The following RBFOX1 variants were observed in gnomAD, a reference collection of about 807,000 sequenced individuals.
RBFOX1 encodes the protein RNA binding protein fox-1 homolog 1.
RBFOX1 carries 8 observed loss-of-function variants against 57.7 expected under a neutral mutation model. That is an observed-to-expected ratio of 0.14 (90% CI 0.08 to 0.25). The LOEUF (loss-of-function observed/expected upper bound fraction) is 0.25, where lower values mean the gene tolerates loss of function less well. Among genes scored for constraint, RBFOX1 ranks in the 10% least tolerant of loss-of-function variants. RBFOX1 has a pLI of 1.00. For synonymous variants in RBFOX1, 326 were observed against 222.4 expected (o/e 1.47, Z -4.15); for missense variants, 611 against 548.5 (o/e 1.11, Z -1.14).
intron 11 of RBFOX1, among the ~76,000 whole-genome samples, chr16:7,639,300 C>T (rs996338906): frequency 7.9e-5 from 12 of 152,158 alleles, no homozygotes; most frequent in Non-Finnish European, 1.5e-4. Context: ...CTAAAAGATC[C>T]TCTGGGCTGG....
chr16:5,870,777 C>A (rs979366011), intron 4 of RBFOX1, among the ~76,000 whole-genome samples: 1 of 152,012 alleles, frequency 6.6e-6, no homozygotes, highest in Non-Finnish European at 1.5e-5. Context: ...AATGCGTGAT[C>A]CATATTCATG....
chr16:5,773,458 C>A (rs980328929), intron 3 of RBFOX1, among the ~76,000 whole-genome samples: 1 of 152,150 alleles, frequency 6.6e-6, no homozygotes, highest in African/African-American at 2.4e-5. Context: ...CAACATGTTT[C>A]ATATTCTGTG....
chr16:5,416,254 C>T (rs513239), intron 1 of RBFOX1, among the ~76,000 whole-genome samples: 9,093 of 152,212 alleles, frequency 0.06, 583 homozygotes, highest in African/African-American at 0.16. Flanking sequence ...CATTTGTCTA[C>T]GGTCACACAT....
chr16:5,834,273 C>T (rs981779014), intron 3 of RBFOX1, among the ~76,000 whole-genome samples: 10 of 152,140 alleles, frequency 6.6e-5, no homozygotes, highest in African/African-American at 2.4e-4. Flanking sequence ...CCTTCTGAGT[C>T]TCCAATGTCC....
At chr16:7,077,015 C>T (rs2058413849) in intron 4 of RBFOX1, among the ~76,000 whole-genome samples, 1 of 152,140 alleles carries the variant, frequency 6.6e-6, no homozygotes. Context: ...CAAAGACATC[C>T]ATCTGATTTC....
intron 2 of RBFOX1, among the ~76,000 whole-genome samples, chr16:6,416,185 C>T (rs137992459): frequency 4.7e-4 from 72 of 152,298 alleles, no homozygotes; most frequent in Non-Finnish European, 8.8e-4. Context: ...TTGAGTCTCT[C>T]GCTTATGCGG....
At chr16:7,106,189 G>C (rs939702627) in intron 4 of RBFOX1, among the ~76,000 whole-genome samples, 2 of 152,126 alleles carry the variant, frequency 1.3e-5, no homozygotes, top group South Asian at 2.1e-4. Flanking sequence ...TTTCCTGTGG[G>C]CTCTTTTTTG....
At chr16:7,651,121 G>C (rs187989671) in intron 11 of RBFOX1, among the ~76,000 whole-genome samples, 2 of 152,120 alleles carry the variant, frequency 1.3e-5, no homozygotes, top group Non-Finnish European at 2.9e-5. Flanking sequence ...ATAGAAAGAC[G>C]GAATCATTCT....
intron 1 of RBFOX1, among the ~76,000 whole-genome samples, chr16:6,089,862 C>G (rs575390152): frequency 1.3e-5 from 2 of 152,320 alleles, no homozygotes; most frequent in East Asian, 3.9e-4. Context: ...TAAGAACACA[C>G]AAACTCAAAT....
At chr16:6,804,664 A>C (rs2086295705) in intron 3 of RBFOX1, among the ~76,000 whole-genome samples, 1 of 152,208 alleles carries the variant, frequency 6.6e-6, no homozygotes, top group Admixed American at 6.5e-5. Context: ...TCATTAGAAC[A>C]GCCAACTTTC....
chr16:6,968,460 C>G (rs148392550), intron 3 of RBFOX1, among the ~76,000 whole-genome samples: 1 of 152,078 alleles, frequency 6.6e-6, no homozygotes, highest in Non-Finnish European at 1.5e-5. Flanking sequence ...TGACGCTATC[C>G]GGACCGAAAA....
chr16:7,339,384 A>G (rs2096850946), intron 4 of RBFOX1, among the ~76,000 whole-genome samples: 1 of 152,200 alleles, frequency 6.6e-6, no homozygotes, highest in South Asian at 2.1e-4. Context: ...AAGCTAGCAT[A>G]TAAAGTATGT....
At chr16:6,468,710 G>A (rs990259310) in intron 2 of RBFOX1, among the ~76,000 whole-genome samples, 18 of 151,922 alleles carry the variant, frequency 1.2e-4, no homozygotes, top group African/African-American at 3.1e-4. Context: ...TAAATGTGTC[G>A]TGATTTTTGC....
At chr16:7,201,656 G>T (rs1330384903) in intron 4 of RBFOX1, among the ~76,000 whole-genome samples, 1 of 151,978 alleles carries the variant, frequency 6.6e-6, no homozygotes, top group Non-Finnish European at 1.5e-5. Flanking sequence ...CAGAGATATG[G>T]TTTCACCTTG....
chr16:5,558,327 C>G (rs1020340140), intron 2 of RBFOX1, among the ~76,000 whole-genome samples: 3 of 152,162 alleles, frequency 2.0e-5, no homozygotes, highest in Admixed American at 1.3e-4. Context: ...CTTAGACACC[C>G]AACCCTAGAT....
rs1413523977 is a variant in RBFOX1 at position 5,896,322 on chromosome 16, G to A, written c.351+28987G>A. On this transcript the variant is annotated intron_variant, in intron 4 of 19. Transcript: ENST00000641259. ...CTCCTGGGAGGTGTTTTGATCGTGG[G>A]CAAGGGTCTTTCATGAATATATTAA... Among the ~76,000 whole-genome samples, 6 of 152,266 alleles carry A rather than the reference G, an allele frequency of 3.9e-5. No individual in the cohort carries two copies. The South Asian group carries it at 1.0e-3, about 26-fold the overall frequency.
intron 1 of RBFOX1, among the ~76,000 whole-genome samples, chr16:6,023,493 A>G (rs1386743645): frequency 2.0e-5 from 3 of 152,220 alleles, no homozygotes; most frequent in East Asian, 3.8e-4. Flanking sequence ...CACCTTTCCA[A>G]AAATTAGACC....
At chr16:7,063,903 G>A (rs2055247929) in intron 4 of RBFOX1, among the ~76,000 whole-genome samples, 1 of 152,142 alleles carries the variant, frequency 6.6e-6, no homozygotes, top group African/African-American at 2.4e-5. Context: ...TTATATCAGA[G>A]ACCTCATTTT....
chr16:7,497,254 A>C (rs1013992321), intron 4 of RBFOX1, among the ~76,000 whole-genome samples: 6 of 152,194 alleles, frequency 3.9e-5, no homozygotes, highest in Admixed American at 2.0e-4. Flanking sequence ...AATCTTCACC[A>C]CACCTATACT....
Sources: gnomAD v4.1 joint callset for allele counts (sites outside exome capture counted in the v4.1 genomes callset) on GRCh38, gnomAD v4.1.1 for gene constraint, MANE v1.5 for transcripts, NCBI Gene and HGNC (gene_info 2026-07-23, HGNC 2026-07-21) for gene names.